Variants in AGBL4 observed in about 807,000 individuals in gnomAD.
The protein encoded by AGBL4 is cytosolic carboxypeptidase 6.
In AGBL4, 58 loss-of-function variants were observed where a neutral mutation model predicts 66.4. That is an observed-to-expected ratio of 0.87 (90% CI 0.71 to 1.09). The LOEUF is 1.09. Among genes scored for constraint, AGBL4 ranks in the 50% least tolerant of loss-of-function variants. The pLI is 0.00. For missense variants in AGBL4, 579 were observed against 631.0 expected (o/e 0.92, Z 0.88); for synonymous variants, 234 against 222.9 (o/e 1.05, Z -0.44).
chr1:49,629,302 T>A (rs1490368297), intron 3 of AGBL4, among the ~76,000 whole-genome samples: 1 of 152,224 alleles, frequency 6.6e-6, no homozygotes, highest in African/African-American at 2.4e-5. Flanking sequence ...TTTAGAAATT[T>A]AGTGGTGTCA....
At chr1:49,778,624 A>G (rs1389697034) in intron 2 of AGBL4, among the ~76,000 whole-genome samples, 1 of 152,210 alleles carries the variant, frequency 6.6e-6, no homozygotes, top group Non-Finnish European at 1.5e-5. Context: ...GAGACAGGTA[A>G]AAGAGCCCTC....
chr1:48,591,090 A>ACCC lies in AGBL4; in HGVS notation c.952-108_952-106dup, dbSNP rs151241264. The ACCC allele has an allele frequency of 5.0e-3, 2,622 of 526,136 alleles. 4 individuals are homozygous for ACCC. The highest frequency in any genetic ancestry group is 0.018 in the African/African-American group (481 of 27,012). 32.6% of individuals were successfully genotyped at this position (526,136 alleles called of 1,614,324 possible). Reference sequence around the variant, plus strand: ...ACACACCCCCCACACACACCCACCCACCCCCCCCCACACACACACACACAT... The same window carrying ACCC: ...ACACACCCCCCACACACACCCACCCACCCCCCCCCCCCACACACACACACACAT... On this transcript the variant is annotated intron_variant, in intron 9 of 13. Transcript: ENST00000371839.
At chr1:49,391,564 T>G (rs1411236016) in intron 3 of AGBL4, among the ~76,000 whole-genome samples, 163 of 1,090 alleles carry the variant, frequency 0.15, no homozygotes, top group East Asian at 0.45. Flanking sequence ...TTTTTTTTTG[T>G]TTTTTTTTTT....
Position 48,611,060 on chromosome 1 carries a change from G to C in AGBL4, c.952-20075C>G, listed in dbSNP as rs1645230433. ...TTAACACCCACTACAGGCTGGGCCAGAGCCTTCATTGAGATTCTGCTCACA... is the reference window on the plus strand; with the variant it reads ...TTAACACCCACTACAGGCTGGGCCACAGCCTTCATTGAGATTCTGCTCACA... On this transcript the variant is annotated intron_variant, in intron 9 of 13. Coordinates refer to ENST00000371839, the MANE Select transcript of AGBL4 (RefSeq NM_032785.4). Among the ~76,000 whole-genome samples, 4 of 152,236 alleles carry C rather than the reference G, an allele frequency of 2.6e-5. No individual in the cohort carries two copies. In the South Asian group the frequency reaches 8.3e-4, roughly 31 times the overall value.
chr1:49,048,450 T>G (rs1426428811), intron 4 of AGBL4: 1 of 152,118 alleles, frequency 6.6e-6, no homozygotes, highest in African/African-American at 2.4e-5. Context: ...GCAGACAAAG[T>G]AGAGCTAATG....
intron 3 of AGBL4, among the ~76,000 whole-genome samples, chr1:49,474,948 T>C (rs1646817588): frequency 6.6e-6 from 1 of 152,066 alleles, no homozygotes; most frequent in African/African-American, 2.4e-5. Flanking sequence ...TACTGGATTG[T>C]TCCAGCTAAA....
intron 3 of AGBL4, among the ~76,000 whole-genome samples, chr1:49,632,392 G>T (rs1571213663): frequency 6.6e-6 from 1 of 152,252 alleles, no homozygotes; most frequent in Non-Finnish European, 1.5e-5. Flanking sequence ...CAAGTGAAAA[G>T]GAATGAAAAC....
intron 4 of AGBL4, among the ~76,000 whole-genome samples, chr1:49,238,624 A>C (rs556782669): frequency 6.6e-6 from 1 of 152,284 alleles, no homozygotes; most frequent in South Asian, 2.1e-4. Context: ...GGCAAAGACA[A>C]AAGTCTATGC....
chr1:49,999,047 C>T (rs531462702), intron 1 of AGBL4, among the ~76,000 whole-genome samples: 116 of 152,188 alleles, frequency 7.6e-4, no homozygotes, highest in Middle Eastern at 3.4e-3. Flanking sequence ...ACTTTCACCA[C>T]TTCTATTCAA....
chr1:49,198,933 A>T (rs530276274), intron 4 of AGBL4, among the ~76,000 whole-genome samples: 106 of 152,268 alleles, frequency 7.0e-4, no homozygotes, highest in African/African-American at 2.4e-3. Flanking sequence ...TGTGCTTGGT[A>T]TGAATTTGTA....
intron 3 of AGBL4, among the ~76,000 whole-genome samples, chr1:49,376,547 T>C (rs1644475615): frequency 6.6e-6 from 1 of 152,080 alleles, no homozygotes; most frequent in Admixed American, 6.6e-5. Flanking sequence ...GCTTTTACTA[T>C]TGCCAGTCCC....
intron 5 of AGBL4, among the ~76,000 whole-genome samples, chr1:48,926,469 G>A (rs1023620031): frequency 8.0e-5 from 12 of 149,954 alleles, no homozygotes; most frequent in Non-Finnish European, 1.5e-4. Context: ...TGTATTTTTA[G>A]TAGAGATGGG....
rs1645168928 is a variant in AGBL4 at position 49,612,252 on chromosome 1, C to T, written c.282+85061G>A. Among the ~76,000 whole-genome samples the T allele has an allele frequency of 2.0e-5, 3 of 152,088 alleles. No homozygotes were observed. In the South Asian group the frequency reaches 6.2e-4, roughly 31 times the overall value. The stretch of plus-strand genomic sequence containing the variant: ...TAGTGAGGCAAAAATATTTAAAACA[C>T]AGTCATTGCAGGAAGCTCACAGTCA... On this transcript the variant is annotated intron_variant, in intron 3 of 13. Coordinates refer to ENST00000371839, the MANE Select transcript of AGBL4 (RefSeq NM_032785.4).
At chr1:49,388,987 T>C (rs1027867630) in intron 3 of AGBL4, among the ~76,000 whole-genome samples, 5 of 152,090 alleles carry the variant, frequency 3.3e-5, no homozygotes, top group African/African-American at 1.2e-4. Flanking sequence ...CTCATTTAGA[T>C]AAAAAATGTT....
intron 3 of AGBL4, among the ~76,000 whole-genome samples, chr1:49,603,547 TAAATAAATAAATAAA>T (rs1645003899): frequency 2.0e-5 from 3 of 148,998 alleles, no homozygotes; most frequent in African/African-American, 7.4e-5. Context: ...AATAAATAAA[TAAATAAATAAATAAA>T]TAAATAAATA....
chr1:49,393,914 T>C (rs1644902685), intron 3 of AGBL4, among the ~76,000 whole-genome samples: 1 of 152,158 alleles, frequency 6.6e-6, no homozygotes, highest in African/African-American at 2.4e-5. Context: ...TGCCAGACAA[T>C]GTGCTAAGCT....
chr1:49,865,895 C>A, intron 1 of AGBL4: 1 of 371,606 alleles, frequency 2.7e-6, no homozygotes, highest in South Asian at 2.1e-5. Context: ...TCAGAATAAC[C>A]AGTTTAGAGA....
chr1:49,561,564 T>A (rs914315301), intron 3 of AGBL4, among the ~76,000 whole-genome samples: 11 of 151,994 alleles, frequency 7.2e-5, no homozygotes, highest in African/African-American at 2.7e-4. Flanking sequence ...GGTTTTTGGT[T>A]TTTTGTCCTT....
At chr1:49,008,805 A>C (rs1662098054) in intron 5 of AGBL4, among the ~76,000 whole-genome samples, 1 of 151,240 alleles carries the variant, frequency 6.6e-6, no homozygotes, top group South Asian at 2.1e-4. Context: ...TGAAGGCAGA[A>C]ATAAAGATGT....
Sources: allele counts gnomAD v4.1 joint callset (sites outside exome capture counted in the v4.1 genomes callset), GRCh38; gene constraint gnomAD v4.1.1; transcripts MANE v1.5; gene names NCBI Gene and HGNC (gene_info 2026-07-23, HGNC 2026-07-21).